Variants in KIF13B observed in about 807,000 individuals in gnomAD.
KIF13B encodes kinesin-like protein KIF13B.
A neutral mutation model predicts 222.0 loss-of-function variants in KIF13B; 127 were observed. The ratio of observed to expected loss-of-function variants is 0.57; its 90% CI spans 0.50 to 0.66. The LOEUF (loss-of-function observed/expected upper bound fraction) is 0.66. Ranked by LOEUF, KIF13B falls within the 30% of genes least tolerant of loss-of-function variation. The probability of loss-of-function intolerance (pLI) is 0.00; values close to 1 mark genes in which losing one functional copy is unlikely to be tolerated. For missense variants in KIF13B, 2,173 were observed against 2,379.0 expected (o/e 0.91, Z 1.80); for synonymous variants, 976 against 919.0 (o/e 1.06, Z -1.12).
intron 2 of KIF13B, among the ~76,000 whole-genome samples, chr8:29,238,259 T>G (rs1421277256): frequency 6.6e-6 from 1 of 152,242 alleles, no homozygotes; most frequent in African/African-American, 2.4e-5. Context: ...AATGACTTCA[T>G]GTATGCCATA....
chr8:29,072,183 T>C lies in KIF13B; in HGVS notation c.4655A>G (p.Glu1552Gly), dbSNP rs1807325679. ...GGGGCTGGGGGGCCCGTCCTGTGCC[T>C]CCGGAGCCGGGGTGACCGCTGTGAC... The part of the protein sequence containing the change: ...IAVTAVTPAP[E>G]AQDGPPSPLS... The change falls in exon 39 of 40, where the codon GAG becomes GGG. Residue 1552 changes from glutamate (E) to glycine (G), a missense_variant. Transcript: ENST00000524189. 1 of 1,436,242 alleles carries C rather than the reference T, an allele frequency of 7.0e-7. No homozygotes were observed. 89.0% of individuals were successfully genotyped at this position (1,436,242 alleles called of 1,614,324 possible).
chr8:29,260,484 A>G (rs1285512197), intron 1 of KIF13B, among the ~76,000 whole-genome samples: 2 of 152,248 alleles, frequency 1.3e-5, no homozygotes, highest in Admixed American at 1.3e-4. Flanking sequence ...ACTCTTTGTC[A>G]TAATTATACA....
chr8:29,118,625 C>A (rs1208337416), intron 30 of KIF13B, among the ~76,000 whole-genome samples: 1 of 152,188 alleles, frequency 6.6e-6, no homozygotes, highest in Non-Finnish European at 1.5e-5. Flanking sequence ...AAGCTCCTGA[C>A]CGCTGCTGAT....
At position 29,068,257 on chromosome 8, in the gene KIF13B, G is replaced by C. The variant is rs1385692463; in HGVS notation, c.*2247C>G. ...TCTTGGGAGGTGAGTCTGCTGGTCA[G>C]GGAGGCAAGAAAAGAAGATAGAAGA... On this transcript the variant is annotated 3_prime_UTR_variant, in exon 40 of 40. Transcript: ENST00000524189. The surrounding 1 kb of genome is among the most constrained non-coding windows in gnomAD (Gnocchi z 4.4). 1.3e-5 allele frequency: 2 copies of C among 152,374 alleles called. No homozygotes were observed. Among genetic ancestry groups the C allele is most frequent in the Non-Finnish European group, 2.9e-5 (2 of 68,210 alleles). 9.4% of individuals were successfully genotyped at this position (152,374 alleles called of 1,614,324 possible).
At chr8:29,250,152 T>A in intron 1 of KIF13B, 1 of 801,482 alleles carries the variant, frequency 1.2e-6, no homozygotes, top group Non-Finnish European at 1.8e-6. Context: ...CACCACAAAG[T>A]TGGTCATTAG....
In KIF13B at chr8:29,071,281, A is replaced by T. The variant is rs964097578; in HGVS notation, c.5218+339T>A. ...TGAGGAAGAGCCTCCTGGAACGGCAAAGGGGAGATGCTCTAAGGTGAAGGA... is the reference window on the plus strand; with the variant it reads ...TGAGGAAGAGCCTCCTGGAACGGCATAGGGGAGATGCTCTAAGGTGAAGGA... On this transcript the variant is annotated intron_variant, in intron 39 of 39. Coordinates refer to ENST00000524189, the MANE Select transcript of KIF13B (RefSeq NM_015254.4). The surrounding 1 kb of genome is among the most constrained non-coding windows in gnomAD (Gnocchi z 4.9). 6.2e-4 allele frequency among the ~76,000 whole-genome samples: 94 copies of T among 152,130 alleles called. No individual in the cohort carries two copies. Among genetic ancestry groups the T allele is most frequent in the Non-Finnish European group, 1.0e-4 (7 of 68,016 alleles).
At chr8:29,128,143 T>C (rs1810198747) in intron 24 of KIF13B, among the ~76,000 whole-genome samples, 1 of 149,444 alleles carries the variant, frequency 6.7e-6, no homozygotes, top group African/African-American at 2.4e-5. Context: ...TTAATATAAA[T>C]ATAAATATAT....
At chr8:29,159,617 A>C (rs1416150293) in intron 13 of KIF13B, among the ~76,000 whole-genome samples, 1 of 152,124 alleles carries the variant, frequency 6.6e-6, no homozygotes, top group Non-Finnish European at 1.5e-5. Flanking sequence ...GTAGCCAGAG[A>C]CCTTCCCTCC....
chr8:29,228,472 A>AAAAT, intron 2 of KIF13B, among the ~76,000 whole-genome samples: 6 of 117,084 alleles, frequency 5.1e-5, no homozygotes, highest in African/African-American at 2.0e-4. Context: ...ATCTTAAAAA[A>AAAAT]ATATATATAT....
chr8:29,262,775 G>C lies in KIF13B; in HGVS notation c.55+205C>G, dbSNP rs569742220. Among the ~76,000 whole-genome samples, 700 of 151,284 alleles carry C rather than the reference G, an allele frequency of 4.6e-3. 5 individuals are homozygous for C. The highest frequency in any genetic ancestry group is 0.015 in the African/African-American group (631 of 41,280). ...CGAGGGGCCCGACGGCGCCAGGGACGGGGCTGGCCAGGGGGGAAGGGAGGG... is the reference window on the plus strand; with the variant it reads ...CGAGGGGCCCGACGGCGCCAGGGACCGGGCTGGCCAGGGGGGAAGGGAGGG... On this transcript the variant is annotated intron_variant, in intron 1 of 39. Transcript: ENST00000524189.
chr8:29,218,463 G>C (rs758749909), intron 2 of KIF13B, among the ~76,000 whole-genome samples: 9 of 152,150 alleles, frequency 5.9e-5, no homozygotes, highest in Non-Finnish European at 1.2e-4. Flanking sequence ...GAAACCATGA[G>C]CTAAAAATTA....
chr8:29,147,855 G>A lies in KIF13B; in HGVS notation c.1814-253C>T, dbSNP rs77553590. On this transcript the variant is annotated intron_variant, in intron 16 of 39. Transcript: ENST00000524189. ...TTCTACACATAACCTAAGACATGGCGAATCCTCCAGAAATACAATCATAAG... is the reference window on the plus strand; with the variant it reads ...TTCTACACATAACCTAAGACATGGCAAATCCTCCAGAAATACAATCATAAG... Among the ~76,000 whole-genome samples the A allele has an allele frequency of 7.0e-3, 1,065 of 152,244 alleles. 10 individuals are homozygous for A. The highest frequency in any genetic ancestry group is 0.025 in the African/African-American group (1,029 of 41,534).
In KIF13B at chr8:29,140,109, T is replaced by C. The variant is rs931892075; in HGVS notation, c.2567A>G (p.Glu856Gly). 9.9e-6 allele frequency: 16 copies of C among 1,611,012 alleles called. No individual in the cohort carries two copies. Among genetic ancestry groups the C allele is most frequent in the Non-Finnish European group, 1.2e-5 (14 of 1,178,628 alleles). Residue 856 changes from glutamate to glycine, a missense_variant, in exon 21 of 40, where the codon GAG becomes GGG. Physicochemically the swap from Glu to Gly is moderately conservative, Grantham distance 98. Around this residue, in one of 2 missense-constraint regions of KIF13B, gnomAD observed 1,480 missense variants for 1,722.8 expected, o/e 0.86. Coordinates refer to ENST00000524189, the MANE Select transcript of KIF13B (RefSeq NM_015254.4). ...ERIAGGDEVA[E>G]VSFEKETQEN... ...CTGGGTCTCCTTCTCAAAGGAGACCTCTGCCACCTCATCGCCTCCTGCGAT... is the reference window on the plus strand; with the variant it reads ...CTGGGTCTCCTTCTCAAAGGAGACCCCTGCCACCTCATCGCCTCCTGCGAT...
intron 19 of KIF13B, among the ~76,000 whole-genome samples, chr8:29,141,773 T>C (rs966588950): frequency 2.0e-5 from 3 of 152,142 alleles, no homozygotes; most frequent in South Asian, 4.1e-4. Flanking sequence ...ACAAAACATA[T>C]ATTGTAGGTT....
rs746255816 is a variant in KIF13B at position 29,155,799 on chromosome 8, T to C, written c.1462A>G (p.Ile488Val). Residue 488 changes from isoleucine (I) to valine (V), a missense_variant, in exon 14 of 40, where the codon ATT becomes GTT. By Grantham distance (29) the Ile-to-Val change is conservative. Coordinates refer to ENST00000524189, the MANE Select transcript of KIF13B (RefSeq NM_015254.4). ...SQDIQLCGMGILPEHCIIDIT... is the reference protein window; with the variant it reads ...SQDIQLCGMGVLPEHCIIDIT... ...TCTATAATACAGTGTTCAGGAAGAATTCCCATGCCGCACAGTTGGATATCT... is the reference window on the plus strand; with the variant it reads ...TCTATAATACAGTGTTCAGGAAGAACTCCCATGCCGCACAGTTGGATATCT... 3 of 1,595,934 alleles carry C rather than the reference T, an allele frequency of 1.9e-6. No homozygotes were observed. Among genetic ancestry groups the C allele is most frequent in the Non-Finnish European group, 2.6e-6 (3 of 1,170,118 alleles).
rs555051096 is a variant in KIF13B, at chr8:29,099,936, C to T, written c.4216-695G>A. Among the ~76,000 whole-genome samples the T allele has an allele frequency of 6.4e-4, 98 of 152,302 alleles. 2 individuals carry two copies. In the South Asian group the frequency reaches 0.019, roughly 29 times the overall value. ...AGATACCCTTTTTCACTCAGTTCTC[C>T]ACAGAAACCCACGAACAACTCTATA... On this transcript the variant is annotated intron_variant, in intron 35 of 39. Transcript: ENST00000524189.
chr8:29,201,159 G>T (rs1586918370), intron 2 of KIF13B, among the ~76,000 whole-genome samples: 1 of 152,288 alleles, frequency 6.6e-6, no homozygotes, highest in African/African-American at 2.4e-5. Context: ...CCCAAATAGT[G>T]ACTGTTTAGT....
chr8:29,196,358 T>C (rs986999389), intron 2 of KIF13B, among the ~76,000 whole-genome samples, 159 bp from the exon 3 acceptor site: 6 of 152,146 alleles, frequency 3.9e-5, no homozygotes, highest in African/African-American at 7.2e-5. Flanking sequence ...ACATAGTAAT[T>C]TGAAGGATAA....
intron 21 of KIF13B, among the ~76,000 whole-genome samples, chr8:29,134,930 G>T (rs1451990975): frequency 6.6e-6 from 1 of 152,164 alleles, no homozygotes; most frequent in Admixed American, 6.5e-5. Context: ...GGGTGCGGTT[G>T]TAACAAAGTG....
Sources: allele counts gnomAD v4.1 joint callset (sites outside exome capture counted in the v4.1 genomes callset), GRCh38; gene constraint gnomAD v4.1.1; regional missense constraint gnomAD v4.1.1; non-coding constraint Gnocchi (gnomAD v3.1); transcripts MANE v1.5; gene names NCBI Gene and HGNC (gene_info 2026-07-23, HGNC 2026-07-21).